The following LMNB2 variants were observed in gnomAD, a reference collection of about 807,000 sequenced individuals.
LMNB2 encodes lamin-B2.
In LMNB2, 17 loss-of-function variants were observed where a neutral mutation model predicts 69.3. That is an observed-to-expected ratio of 0.25 (90% CI 0.17 to 0.37). The LOEUF (loss-of-function observed/expected upper bound fraction) is 0.37, where lower values mean the gene tolerates loss of function less well. Among genes scored for constraint, LMNB2 ranks in the 10% least tolerant of loss-of-function variants. The pLI is 1.00. For missense variants in LMNB2, 789 were observed against 883.6 expected, an observed-to-expected ratio of 0.89 and a Z score of 1.36; for synonymous variants, 397 against 389.3, an observed-to-expected ratio of 1.02 and a Z score of -0.23.
rs532971889 is a variant in LMNB2 at position 2,434,055 on chromosome 19, G to A, written c.1253C>T (p.Thr418Ile). 4.4e-6 allele frequency: 7 copies of A among 1,600,588 alleles called. No homozygotes were observed. In the African/African-American group the frequency reaches 9.4e-5, roughly 21 times the overall value. ...GGACAAGCTGCCGCTGCTGCTCGAG[G>A]TGGCTCGTGAGACGGTGACGCGCGA... ...PSSRVTVSRA[T>I]SSSSGSLSAT... The change falls in exon 8 of 12, where the codon ACC (threonine) becomes ATC (isoleucine). Residue 418 changes from threonine to isoleucine, a missense_variant. Physicochemically the swap from Thr to Ile is moderately conservative, Grantham distance 89 (BLOSUM62 -1). This residue lies in a region of LMNB2 where 609 missense variants were observed against 630.9 expected (regional missense o/e 0.97). Transcript: ENST00000325327.
At chr19:2,434,720 C>G in intron 6 of LMNB2, 68 bp downstream of exon 6, 1 of 1,549,258 alleles carries the variant, frequency 6.5e-7, no homozygotes, top group Non-Finnish European at 8.7e-7. Context: ...CCCCACGCCC[C>G]GCACATCCAG....
rs1971792127 is a variant in LMNB2, at chr19:2,434,347, G to C, written c.1150C>G (p.Leu384Val). The C allele has an allele frequency of 4.3e-6, 7 of 1,613,242 alleles. No individual in the cohort carries two copies. The East Asian group carries it at 1.6e-4, about 36-fold the overall frequency. The change falls in exon 7 of 12, where the codon CTG (leucine) becomes GTG (valine). Residue 384 changes from leucine to valine, a missense_variant. By Grantham distance (32) the Leu-to-Val change is conservative. Around this residue, in one of 3 missense-constraint regions of LMNB2, gnomAD observed 609 missense variants for 630.9 expected, o/e 0.97. Transcript: ENST00000325327. Reference protein sequence around the residue: ...YQELLDVKLALDMEINAYRKL... With the variant: ...YQELLDVKLAVDMEINAYRKL... Reference sequence around the variant, plus strand: ...CGGTAGGCGTTGATCTCCATGTCCAGGGCCAGCTTCACGTCCAGCAGCTCC... The same window carrying C: ...CGGTAGGCGTTGATCTCCATGTCCACGGCCAGCTTCACGTCCAGCAGCTCC...
chr19:2,451,171 T>C (rs1340187929), intron 1 of LMNB2, among the ~76,000 whole-genome samples: 1 of 152,050 alleles, frequency 6.6e-6, no homozygotes, highest in African/African-American at 2.4e-5. Context: ...ATCGCCTGAA[T>C]CCGGGAGGCA....
rs1436639847 is a variant in LMNB2, at chr19:2,440,724, CCATCCATCCATCCATCTATCCACT to C, written c.402-2217_402-2194del. Among the ~76,000 whole-genome samples, 10 of 148,476 alleles carry C rather than the reference CCATCCATCCATCCATCTATCCACT, an allele frequency of 6.7e-5. No homozygotes were observed. In the South Asian group the frequency reaches 1.9e-3, roughly 28 times the overall value. ...TCTATCCATTCATCCATCTACTCATCCATCCATCCATCCATCTATCCACTCATCCATCCATCATCTATCTATCCA... is the reference window on the plus strand; with the variant it reads ...TCTATCCATTCATCCATCTACTCATCCATCCATCCATCATCTATCTATCCA... On this transcript the variant is annotated intron_variant, in intron 2 of 11. Transcript: ENST00000325327.
At chr19:2,455,055 C>T (rs1370582411) in intron 1 of LMNB2, among the ~76,000 whole-genome samples, 1 of 152,092 alleles carries the variant, frequency 6.6e-6, no homozygotes, top group Non-Finnish European at 1.5e-5. Context: ...CCACCGCTGA[C>T]ACCAGGGCAC....
rs1972054406 is a variant in LMNB2, at chr19:2,453,565, T to A, written c.264+3105A>T. Reference sequence around the variant, plus strand: ...CCCAGCTGTCCCCTGCCACATGCCCTGCAGACACGGCTGGGTGACAGGGCT... The same window carrying A: ...CCCAGCTGTCCCCTGCCACATGCCCAGCAGACACGGCTGGGTGACAGGGCT... On this transcript the variant is annotated intron_variant, in intron 1 of 11. Transcript: ENST00000325327. The surrounding 1 kb of genome is among the most constrained non-coding windows in gnomAD (Gnocchi z 4.4). Among the ~76,000 whole-genome samples the A allele has an allele frequency of 6.6e-6, 1 of 152,048 alleles. No individual in the cohort carries two copies. The highest frequency in any genetic ancestry group is 1.5e-5 in the Non-Finnish European group (1 of 68,004).
rs1226857821 is a variant in LMNB2 at position 2,430,930 on chromosome 19, C to G, written c.1844G>C (p.Arg615Thr). ...GTGGGTTCACATCACGTAGCAGCCT[C>G]TTGAGGTGGTCCTCGGGTCCCCCTG... ...HQQGDPRTTS[R>T]GCYVM is the part of the protein sequence containing the mutation. The change falls in exon 12 of 12, where the codon AGA becomes ACA. Residue 615 changes from arginine to threonine, a missense_variant. By Grantham distance (71) the Arg-to-Thr change is moderately conservative. Transcript: ENST00000325327. 6.2e-7 allele frequency: 1 copy of G among 1,610,080 alleles called. No individual in the cohort carries two copies. Among genetic ancestry groups the G allele is most frequent in the East Asian group, 2.2e-5 (1 of 44,882 alleles).
rs186368809 is a variant in LMNB2, at chr19:2,438,250, C to T, written c.597G>A (p.Glu199=). 3.1e-6 allele frequency: 5 copies of T among 1,614,096 alleles called. No individual in the cohort carries two copies. Among genetic ancestry groups the T allele is most frequent in the East Asian group, 4.5e-5 (2 of 44,888 alleles). Residue 199 remains glutamate, a synonymous_variant, in exon 4 of 12, where the codon GAG becomes GAA. Coordinates refer to ENST00000325327, the MANE Select transcript of LMNB2 (RefSeq NM_032737.4). The stretch of plus-strand genomic sequence containing the variant: ...GGTCCACACGCATCAGCGTCTCCTT[C>T]TCCAGCTGCTTTTTGGCCACTGCAT... ...DGHAVAKKQL[E]KETLMRVDLE...
Position 2,447,483 on chromosome 19 carries a change from G to C in LMNB2, c.265-2943C>G, listed in dbSNP as rs1971969436. Among the ~76,000 whole-genome samples, 1 of 152,186 alleles carries C rather than the reference G, an allele frequency of 6.6e-6. No homozygotes were observed. Among genetic ancestry groups the C allele is most frequent in the South Asian group, 2.1e-4 (1 of 4,824 alleles). ...TAGTGGGGATGAACGTTCTAAAATT[G>C]GACACATTGGTGGTGGCACAGCTGT... is the stretch of plus-strand genomic sequence containing the variant. On this transcript the variant is annotated intron_variant, in intron 1 of 11. Coordinates refer to ENST00000325327, the MANE Select transcript of LMNB2 (RefSeq NM_032737.4). The surrounding 1 kb of genome is among the most constrained non-coding windows in gnomAD (Gnocchi z 4.4).
chr19:2,434,950 C>T (rs367644643), intron 5 of LMNB2, 37 bp from the exon 6 acceptor site: 193 of 1,586,078 alleles, frequency 1.2e-4, no homozygotes, highest in Non-Finnish European at 1.5e-4. Context: ...GGGCGCGGGG[C>T]GGGGCGGGGT....
Position 2,443,484 on chromosome 19 carries a change from C to T in LMNB2, c.401+920G>A, listed in dbSNP as rs530850067. On this transcript the variant is annotated intron_variant, in intron 2 of 11. Coordinates refer to ENST00000325327, the MANE Select transcript of LMNB2 (RefSeq NM_032737.4). The surrounding 1 kb of genome is among the most constrained non-coding windows in gnomAD (Gnocchi z 6.2). Reference sequence around the variant, plus strand: ...CCACTGGCTGCTGTCACCCCCGTACCAGGTGGCCGAGGTGCCACCCCTCCT... The same window carrying T: ...CCACTGGCTGCTGTCACCCCCGTACTAGGTGGCCGAGGTGCCACCCCTCCT... Among the ~76,000 whole-genome samples, 541 of 150,188 alleles carry T rather than the reference C, an allele frequency of 3.6e-3. 1 individual carries two copies. Among genetic ancestry groups the T allele is most frequent in the Non-Finnish European group, 6.0e-3 (406 of 67,354 alleles).
Position 2,435,109 on chromosome 19 carries a change from C to T in LMNB2, c.747G>A (p.Gln249=), listed in dbSNP as rs1409032528. ...RRLVEVDSSR[Q]QEYDFKMAQA... is the part of the protein sequence containing the mutation. Reference sequence around the variant, plus strand: ...GTGCCATCTTGAAGTCGTACTCCTGCTGCCGGCTGCTGTCCACCTCCACCA... The same window carrying T: ...GTGCCATCTTGAAGTCGTACTCCTGTTGCCGGCTGCTGTCCACCTCCACCA... Residue 249 remains glutamine (Q), a synonymous_variant, in exon 5 of 12, where the codon CAG becomes CAA. Coordinates refer to ENST00000325327, the MANE Select transcript of LMNB2 (RefSeq NM_032737.4). 6.2e-7 allele frequency: 1 copy of T among 1,608,826 alleles called. No individual in the cohort carries two copies.
At chr19:2,456,648 G>C (rs746967674) in intron 1 of LMNB2, 22 bp downstream of exon 1, 2 of 1,478,560 alleles carry the variant, frequency 1.4e-6, no homozygotes, top group South Asian at 2.6e-5. Context: ...CCCCCGCCCG[G>C]CCCCTAAGCC....
chr19:2,445,623 C>T (rs1399287411), intron 1 of LMNB2, among the ~76,000 whole-genome samples: 1 of 114,830 alleles, frequency 8.7e-6, no homozygotes, highest in Non-Finnish European at 1.8e-5. Flanking sequence ...TTTCACCCCT[C>T]GATCACAGGG....
chr19:2,434,250 C>T (rs1456836849), intron 7 of LMNB2, 45 bp downstream of exon 7: 12 of 1,603,706 alleles, frequency 7.5e-6, no homozygotes, highest in Non-Finnish European at 1.0e-5. Context: ...CCTGCCCTGC[C>T]CCTCCTCCTC....
intron 2 of LMNB2, among the ~76,000 whole-genome samples, chr19:2,442,211 TTTGGGAGGCTGAG>T (rs1971907195): frequency 6.6e-6 from 1 of 152,138 alleles, no homozygotes; most frequent in Non-Finnish European, 1.5e-5. Context: ...TACCCAGTGC[TTTGGGAGGCTGAG>T]GTGGGAGGAT....
In LMNB2 at chr19:2,447,710, G is replaced by A. The variant is rs1012517019; in HGVS notation, c.265-3170C>T. On this transcript the variant is annotated intron_variant, in intron 1 of 11. Coordinates refer to ENST00000325327, the MANE Select transcript of LMNB2 (RefSeq NM_032737.4). This position sits in a 1 kb window ranked among gnomAD's most constrained non-coding sequence, Gnocchi z 4.4. ...GTCTATGCAAGGTGGGTACAGGGTC[G>A]GCCTGCATCTGGAGGGCCACACCCC... 1.3e-5 allele frequency among the ~76,000 whole-genome samples: 2 copies of A among 152,140 alleles called. No homozygotes were observed. The highest frequency in any genetic ancestry group is 1.5e-5 in the Non-Finnish European group (1 of 68,016).
Position 2,433,944 on chromosome 19 carries a change from C to A in LMNB2, c.1364G>T (p.Gly455Val). 1 of 1,612,182 alleles carries A rather than the reference C, an allele frequency of 6.2e-7. No homozygotes were observed. The highest frequency in any genetic ancestry group is 8.5e-7 in the Non-Finnish European group (1 of 1,179,792). ...GTGGAAGCCACCGCTGCCACCCGTG[C>A]CCGTGCCCAGGACGCTTGGGCCGCT... ...LGSGPSVLGT[G>V]TGGSGGFHLA... Residue 455 changes from glycine (G) to valine (V), a missense_variant, in exon 8 of 12, where the codon GGC (glycine) becomes GTC (valine). Gly to Val is a moderately radical substitution (Grantham distance 109). Transcript: ENST00000325327.
At chr19:2,434,210 C>CA in intron 7 of LMNB2, 85 bp downstream of exon 7, 1 of 1,545,562 alleles carries the variant, frequency 6.5e-7, no homozygotes, top group Non-Finnish European at 8.7e-7. Flanking sequence ...CCCTGCCCAG[C>CA]ACTCCCCGCA....
Sources: allele counts gnomAD v4.1 joint callset (sites outside exome capture counted in the v4.1 genomes callset), GRCh38; gene constraint gnomAD v4.1.1; regional missense constraint gnomAD v4.1.1; non-coding constraint Gnocchi (gnomAD v3.1); transcripts MANE v1.5; gene names NCBI Gene and HGNC (gene_info 2026-07-23, HGNC 2026-07-21).